The following PDLIM5 variants were observed in gnomAD, a reference collection of about 807,000 sequenced individuals.
PDLIM5 encodes the protein PDZ and LIM domain protein 5.
PDLIM5 carries 34 observed loss-of-function variants against 64.2 expected under a neutral mutation model. That is an observed-to-expected ratio of 0.53 (90% CI 0.40 to 0.71). The LOEUF (loss-of-function observed/expected upper bound fraction) is 0.71, where lower values mean the gene tolerates loss of function less well. Among genes scored for constraint, PDLIM5 ranks in the 30% least tolerant of loss-of-function variants. PDLIM5 has a pLI of 0.00. For missense variants in PDLIM5, 683 were observed against 733.6 expected (o/e 0.93, Z 0.80); for synonymous variants, 253 against 269.1 (o/e 0.94, Z 0.59).
intron 5 of PDLIM5, chr4:94,582,687 C>CT (rs759023262): frequency 2.7e-5 from 41 of 1,534,636 alleles, no homozygotes; most frequent in South Asian, 3.4e-5. Flanking sequence ...TCTATCGCAT[C>CT]TTTTTTTGTG....
chr4:94,546,162 A>G lies in PDLIM5; in HGVS notation c.248+22287A>G, dbSNP rs551497718. Among the ~76,000 whole-genome samples the G allele has an allele frequency of 5.3e-5, 8 of 152,350 alleles. No individual in the cohort carries two copies. In the South Asian group the frequency reaches 1.7e-3, roughly 32 times the overall value. Reference sequence around the variant, plus strand: ...ATGATGCTTGCTTTGGGAAGAGGATATCCTCATAGAACTGAACGTTATGAT... The same window carrying G: ...ATGATGCTTGCTTTGGGAAGAGGATGTCCTCATAGAACTGAACGTTATGAT... On this transcript the variant is annotated intron_variant, in intron 3 of 12. Transcript: ENST00000317968.
At chr4:94,502,746 A>G (rs1252149292) in intron 2 of PDLIM5, among the ~76,000 whole-genome samples, 1 of 151,970 alleles carries the variant, frequency 6.6e-6, no homozygotes, top group Non-Finnish European at 1.5e-5. Context: ...GCGGGGTGGT[A>G]TGCACCTGTA....
intron 9 of PDLIM5, among the ~76,000 whole-genome samples, chr4:94,646,898 C>A (rs994824757): frequency 6.6e-6 from 1 of 152,080 alleles, no homozygotes; most frequent in Non-Finnish European, 1.5e-5. Flanking sequence ...CAGGTATGTT[C>A]CTTCTTTTCC....
intron 10 of PDLIM5, among the ~76,000 whole-genome samples, chr4:94,656,087 A>G (rs1742189649): frequency 6.6e-6 from 1 of 152,222 alleles, no homozygotes; most frequent in Non-Finnish European, 1.5e-5. Context: ...AGTTCACTCA[A>G]GCACAATTAG....
At chr4:94,654,052 G>A (rs1742030984) in intron 9 of PDLIM5, among the ~76,000 whole-genome samples, 1 of 152,106 alleles carries the variant, frequency 6.6e-6, no homozygotes. Context: ...TGTTTCTTTT[G>A]TAGAAGTGTC....
intron 3 of PDLIM5, among the ~76,000 whole-genome samples, chr4:94,541,441 G>A (rs2110184127): frequency 6.6e-6 from 1 of 152,280 alleles, no homozygotes; most frequent in Admixed American, 6.5e-5. Context: ...CAAGAATTAG[G>A]AAACCAAAGT....
chr4:94,627,864 T>G (rs908836890), intron 8 of PDLIM5, among the ~76,000 whole-genome samples: 1 of 152,200 alleles, frequency 6.6e-6, no homozygotes, highest in Non-Finnish European at 1.5e-5. Context: ...ATACTGTGAT[T>G]GCCTATTTGC....
At chr4:94,630,383 A>G (rs932267998) in intron 8 of PDLIM5, among the ~76,000 whole-genome samples, 1 of 151,906 alleles carries the variant, frequency 6.6e-6, no homozygotes, top group African/African-American at 2.4e-5. Context: ...ATATATGTAT[A>G]TATTTTTTTA....
At chr4:94,608,055 T>C (rs1294802824) in intron 7 of PDLIM5, 1 of 1,525,738 alleles carries the variant, frequency 6.6e-7, no homozygotes, top group Non-Finnish European at 8.8e-7. Flanking sequence ...TTCTGAAAAC[T>C]TAGGTTTGAC....
chr4:94,513,154 T>A (rs1424256696), intron 2 of PDLIM5, among the ~76,000 whole-genome samples: 2 of 152,206 alleles, frequency 1.3e-5, no homozygotes, highest in African/African-American at 2.4e-5. Flanking sequence ...TAATTTGAAA[T>A]AAGGTAATGT....
intron 1 of PDLIM5, 76 bp from the exon 2 acceptor site, chr4:94,455,167 TCAAA>T (rs1723221592): frequency 3.2e-6 from 2 of 617,912 alleles, no homozygotes; most frequent in Admixed American, 5.7e-5. Context: ...CTCACCCCCC[TCAAA>T]CAAAATACTA....
chr4:94,476,122 T>TA (rs1725301502), intron 2 of PDLIM5, among the ~76,000 whole-genome samples: 1 of 152,196 alleles, frequency 6.6e-6, no homozygotes, highest in African/African-American at 2.4e-5. Context: ...CTCATGAGAA[T>TA]AAAGTATGGA....
At chr4:94,481,819 C>G (rs907484002) in intron 2 of PDLIM5, among the ~76,000 whole-genome samples, 1 of 152,068 alleles carries the variant, frequency 6.6e-6, no homozygotes. Context: ...CCGTGTTAGC[C>G]AGGATGGTCT....
chr4:94,453,472 C>T (rs1723045745), intron 1 of PDLIM5, among the ~76,000 whole-genome samples: 1 of 152,068 alleles, frequency 6.6e-6, no homozygotes, highest in Non-Finnish European at 1.5e-5. Context: ...AAGGGAATCC[C>T]CAAGTAAAGG....
At chr4:94,597,117 C>T (rs1737126669) in intron 7 of PDLIM5, among the ~76,000 whole-genome samples, 1 of 152,058 alleles carries the variant, frequency 6.6e-6, no homozygotes, top group Non-Finnish European at 1.5e-5. Flanking sequence ...TGCCTCTTCA[C>T]ACACTTTATT....
intron 2 of PDLIM5, among the ~76,000 whole-genome samples, chr4:94,475,507 C>T (rs1725247889): frequency 6.6e-6 from 1 of 152,028 alleles, no homozygotes; most frequent in Non-Finnish European, 1.5e-5. Flanking sequence ...TGAGTATTTG[C>T]ATTAGGGTTA....
Position 94,640,409 on chromosome 4 carries a change from G to A in PDLIM5, c.1242G>A (p.Gly414=). The change falls in exon 9 of 13, where the codon GGG becomes GGA. Residue 414 remains glycine (G), a synonymous_variant. Transcript: ENST00000317968. The stretch of plus-strand genomic sequence containing the variant: ...AAAGAGCTGAGCACATTCCAGCAGG[G>A]AAACGAACTCCGATGTGCGCCCATT... The part of the protein sequence containing the change: ...LVQRAEHIPA[G]KRTPMCAHCN... 3.7e-6 allele frequency: 6 copies of A among 1,610,466 alleles called. No individual in the cohort carries two copies. Among genetic ancestry groups the A allele is most frequent in the Non-Finnish European group, 5.1e-6 (6 of 1,178,116 alleles).
chr4:94,553,159 C>G (rs930591364), intron 3 of PDLIM5, among the ~76,000 whole-genome samples: 1 of 152,078 alleles, frequency 6.6e-6, no homozygotes, highest in Non-Finnish European at 1.5e-5. Flanking sequence ...GGGTCTCACT[C>G]TGATGCCCAG....
At chr4:94,531,214 A>G (rs1371140086) in intron 3 of PDLIM5, among the ~76,000 whole-genome samples, 1 of 151,928 alleles carries the variant, frequency 6.6e-6, no homozygotes, top group Non-Finnish European at 1.5e-5. Context: ...CTTAGGTTGG[A>G]GGATGACAGT....
Sources: gnomAD v4.1 joint callset for allele counts (sites outside exome capture counted in the v4.1 genomes callset) on GRCh38, gnomAD v4.1.1 for gene constraint, MANE v1.5 for transcripts, NCBI Gene and HGNC (gene_info 2026-07-23, HGNC 2026-07-21) for gene names.